EPC2: variants seen among roughly 807,000 people sequenced by gnomAD.
The protein encoded by EPC2 is enhancer of polycomb homolog 2.
In EPC2, 14 loss-of-function variants were observed where a neutral mutation model predicts 92.1. The ratio of observed to expected loss-of-function variants is 0.15; its 90% CI spans 0.10 to 0.24. The LOEUF is 0.24. Ranked by LOEUF, EPC2 falls within the 10% of genes least tolerant of loss-of-function variation. The probability of loss-of-function intolerance (pLI) is 1.00; values close to 1 mark genes in which losing one functional copy is unlikely to be tolerated. For missense variants in EPC2, 755 were observed against 971.5 expected (o/e 0.78, Z 2.96); for synonymous variants, 340 against 334.7 (o/e 1.02, Z -0.17).
At chr2:148,693,597 TC>T (rs1681683851) in intron 2 of EPC2, among the ~76,000 whole-genome samples, 1 of 152,166 alleles carries the variant, frequency 6.6e-6, no homozygotes, top group African/African-American at 2.4e-5. Context: ...TGTAACCTCC[TC>T]GCGATCAGGG....
intron 1 of EPC2, among the ~76,000 whole-genome samples, chr2:148,663,194 GTATTATTATTATTAT>G (rs56337513): frequency 9.2e-4 from 125 of 136,346 alleles, no homozygotes; most frequent in East Asian, 1.7e-3. Flanking sequence ...CTGTGTTTTT[GTATTATTATTATTAT>G]TATTATTATT....
chr2:148,666,253 G>T (rs1681053667), intron 1 of EPC2, among the ~76,000 whole-genome samples: 1 of 152,144 alleles, frequency 6.6e-6, no homozygotes, highest in Admixed American at 6.5e-5. Context: ...CCATCTTCCT[G>T]CCTCAGCCTC....
At chr2:148,751,228 T>G (rs1479574108) in intron 3 of EPC2, among the ~76,000 whole-genome samples, 2 of 152,146 alleles carry the variant, frequency 1.3e-5, no homozygotes, top group Non-Finnish European at 2.9e-5. Flanking sequence ...ACATTAATTT[T>G]TACATATAAT....
At chr2:148,769,115 T>C (rs765360789) in intron 7 of EPC2, 36 bp from the exon 8 acceptor site, 13 of 1,425,046 alleles carry the variant, frequency 9.1e-6, no homozygotes, top group East Asian at 6.9e-5. Context: ...CTATTGACTT[T>C]TGATAACTTC....
chr2:148,664,987 C>G (rs1481733990), intron 1 of EPC2, among the ~76,000 whole-genome samples: 2 of 152,140 alleles, frequency 1.3e-5, no homozygotes, highest in Non-Finnish European at 2.9e-5. Flanking sequence ...AAAGGTTTAA[C>G]TTTAAAAAGG....
chr2:148,733,119 C>T (rs148455250), intron 2 of EPC2, among the ~76,000 whole-genome samples: 3 of 131,000 alleles, frequency 2.3e-5, no homozygotes, highest in African/African-American at 7.5e-5. Flanking sequence ...GCCGTTAGCT[C>T]CCATCCCTAA....
At chr2:148,654,304 T>C (rs1227944862) in intron 1 of EPC2, among the ~76,000 whole-genome samples, 1 of 152,208 alleles carries the variant, frequency 6.6e-6, no homozygotes, top group East Asian at 1.9e-4. Flanking sequence ...CACTCATTTT[T>C]TTGGTAACAA....
At chr2:148,686,379 T>G (rs1351843080) in intron 1 of EPC2, among the ~76,000 whole-genome samples, 2 of 152,248 alleles carry the variant, frequency 1.3e-5, no homozygotes, top group Non-Finnish European at 2.9e-5. Flanking sequence ...TTCCACTACA[T>G]CTTCAGTTAC....
chr2:148,659,110 A>G (rs1484437358), intron 1 of EPC2, among the ~76,000 whole-genome samples: 1 of 152,154 alleles, frequency 6.6e-6, no homozygotes, highest in Non-Finnish European at 1.5e-5. Flanking sequence ...TGGCAGAATA[A>G]AAACAATTCG....
chr2:148,704,118 C>G (rs979750182), intron 2 of EPC2, among the ~76,000 whole-genome samples: 2 of 152,176 alleles, frequency 1.3e-5, no homozygotes, highest in African/African-American at 4.8e-5. Flanking sequence ...CAGCATTATT[C>G]ACAAAAGCTA....
intron 12 of EPC2, 78 bp downstream of exon 12, chr2:148,783,834 T>TA (rs1683806008): frequency 4.2e-6 from 6 of 1,419,474 alleles, no homozygotes; most frequent in Non-Finnish European, 5.8e-6. Context: ...TTTGTTTTTT[T>TA]ATCCAAGGGG....
chr2:148,749,785 C>T (rs774611846), intron 3 of EPC2, among the ~76,000 whole-genome samples: 4 of 152,050 alleles, frequency 2.6e-5, no homozygotes, highest in Admixed American at 1.3e-4. Flanking sequence ...AATTTTAAAA[C>T]CACCATACCA....
chr2:148,691,368 A>C (rs1323098833), intron 2 of EPC2, among the ~76,000 whole-genome samples: 1 of 152,194 alleles, frequency 6.6e-6, no homozygotes, highest in Non-Finnish European at 1.5e-5. Context: ...GGCCTAGCTG[A>C]AGTATCCACC....
intron 1 of EPC2, among the ~76,000 whole-genome samples, chr2:148,667,649 TG>T (rs1681080110): frequency 6.6e-6 from 1 of 152,350 alleles, no homozygotes; most frequent in African/African-American, 2.4e-5. Flanking sequence ...GCCTTTCTTT[TG>T]TCTGATGATT....
intron 3 of EPC2, among the ~76,000 whole-genome samples, chr2:148,745,872 C>T (rs928737075): frequency 3.9e-5 from 6 of 152,058 alleles, no homozygotes; most frequent in East Asian, 3.8e-4. Flanking sequence ...CTTAGGCAAA[C>T]CTGCCTCTGT....
chr2:148,743,079 G>A (rs1558826752), intron 2 of EPC2, among the ~76,000 whole-genome samples: 1 of 152,056 alleles, frequency 6.6e-6, no homozygotes, highest in Non-Finnish European at 1.5e-5. Flanking sequence ...TGTTCCTCTA[G>A]TATTTTTATG....
Position 148,784,608 on chromosome 2 carries a change from T to C in EPC2, c.2018-60T>C, listed in dbSNP as rs952458926. The C allele has an allele frequency of 4.9e-6, 6 of 1,235,076 alleles. No individual in the cohort carries two copies. In the African/African-American group the frequency reaches 9.1e-5, roughly 19 times the overall value. 76.5% of individuals were successfully genotyped at this position (1,235,076 alleles called of 1,614,324 possible). A position where few individuals can be genotyped will look rare whatever the true frequency, so the allele number is the denominator to read the frequency against. ...ATGTTCGTATTTATTTTATTAAGCT[T>C]CTAAAAATAGTTGTATTGATGTCTC... is the stretch of plus-strand genomic sequence containing the variant. On this transcript the variant is annotated intron_variant, in intron 12 of 13. Transcript: ENST00000258484.
intron 3 of EPC2, among the ~76,000 whole-genome samples, chr2:148,744,596 TAAGG>T (rs1434764512): frequency 6.6e-6 from 1 of 152,092 alleles, no homozygotes; most frequent in African/African-American, 2.4e-5. Flanking sequence ...AGCAAAAGAA[TAAGG>T]AAGTTTACAA....
At position 148,743,638 on chromosome 2, in the gene EPC2, C is replaced by T. The variant is rs774565245; in HGVS notation, c.330C>T (p.Asn110=). ...CTTTTCTAGCTTTTAATCTAGACAA[C>T]GAGCAACCAGATTATGATATGGATT... ...FIHIQPFNLD[N]EQPDYDMDSE... is the part of the protein sequence containing the mutation. The change falls in exon 3 of 14, where the codon AAC becomes AAT. Residue 110 remains asparagine, a synonymous_variant. Transcript: ENST00000258484. The T allele has an allele frequency of 1.3e-6, 2 of 1,576,758 alleles. No homozygotes were observed. Among genetic ancestry groups the T allele is most frequent in the Non-Finnish European group, 8.6e-7 (1 of 1,166,220 alleles).
Sources: allele counts gnomAD v4.1 joint callset (sites outside exome capture counted in the v4.1 genomes callset), GRCh38; gene constraint gnomAD v4.1.1; transcripts MANE v1.5; gene names NCBI Gene and HGNC (gene_info 2026-07-23, HGNC 2026-07-21).